The following MIOX variants were observed in gnomAD, a reference collection of about 807,000 sequenced individuals.
MIOX encodes the protein inositol oxygenase.
MIOX carries 51 observed loss-of-function variants against 42.7 expected under a neutral mutation model. The ratio of observed to expected loss-of-function variants is 1.19; its 90% CI spans 0.95 to 1.51. The LOEUF (loss-of-function observed/expected upper bound fraction) is 1.51. Ranked by LOEUF, MIOX falls within the 40% of genes most tolerant of loss-of-function variation. The pLI is 0.00. For missense variants in MIOX, 395 were observed against 381.3 expected (o/e 1.04, Z -0.30); for synonymous variants, 168 against 154.4 (o/e 1.09, Z -0.65).
chr22:50,489,855 G>T lies in MIOX; in HGVS notation c.857G>T (p.Ter286LeuextTer11), dbSNP rs1243555461. The T allele has an allele frequency of 1.9e-6, 3 of 1,609,404 alleles. No individual in the cohort carries two copies. Among genetic ancestry groups the T allele is most frequent in the African/African-American group, 2.7e-5 (2 of 74,978 alleles). Residue 286 changes from the stop codon to leucine (L), a stop_lost, in exon 10 of 10, where the codon TGA (stop) becomes TTA (leucine). Transcript: ENST00000216075. ...TACTGCCCTGGCATCCTGAGCTGGTGACCCTCCTGCCACCCAAGCTGCTGC... is the reference window on the plus strand; with the variant it reads ...TACTGCCCTGGCATCCTGAGCTGGTTACCCTCCTGCCACCCAAGCTGCTGC... ...DKYCPGILSW[*>L]
rs1178356945 is a variant in MIOX at position 50,488,748 on chromosome 22, GCCTGTCCCT to G, written c.409-271_409-263del. On this transcript the variant is annotated intron_variant, in intron 5 of 9. Transcript: ENST00000216075. ...ACTTCCCCCACGGCCCCCCATGGCT[GCCTGTCCCT>G]CCTGTCCCTCCTGTCCCTCCCATCC... Among the ~76,000 whole-genome samples, 612 of 71,804 alleles carry G rather than the reference GCCTGTCCCT, an allele frequency of 8.5e-3. 13 individuals carry two copies. The highest frequency in any genetic ancestry group is 0.031 in the African/African-American group (535 of 17,378). 47.1% of individuals were successfully genotyped at this position (71,804 alleles called of 152,430 possible). A position where few individuals can be genotyped will look rare whatever the true frequency, so the allele number is the denominator to read the frequency against.
At chr22:50,487,040 T>A in intron 1 of MIOX, 128 bp downstream of exon 1, 1 of 1,251,936 alleles carries the variant, frequency 8.0e-7, no homozygotes, top group South Asian at 1.3e-5. Context: ...AGCCAGCGGC[T>A]GCCGACCCCC....
chr22:50,490,221 C>T lies in MIOX; in HGVS notation c.*365C>T. 2 of 300,922 alleles carry T rather than the reference C, an allele frequency of 6.6e-6. No homozygotes were observed. Among genetic ancestry groups the T allele is most frequent in the Admixed American group, 8.9e-5 (2 of 22,458 alleles). The allele number at this position is 300,922 out of a possible 1,614,324, so 18.6% of individuals were successfully genotyped here. On this transcript the variant is annotated 3_prime_UTR_variant, in exon 10 of 10. Transcript: ENST00000216075. ...GTCAGAGCCTGGGGGACGAGTCACC[C>T]AGCTCACCCCCACATGCTCAAAACA...
At chr22:50,489,488 G>A (rs778487466) in intron 8 of MIOX, 42 bp downstream of exon 8, 103 of 1,610,530 alleles carry the variant, frequency 6.4e-5, no homozygotes, top group South Asian at 1.5e-4. Flanking sequence ...CACCAGGCCC[G>A]GTCCTGCAGC....
At chr22:50,487,544 G>C (rs1437685579) in intron 2 of MIOX, 79 bp downstream of exon 2, 1 of 1,553,554 alleles carries the variant, frequency 6.4e-7, no homozygotes, top group Non-Finnish European at 8.8e-7. Flanking sequence ...CACAGTTCCA[G>C]GGGGTGCCCT....
intron 2 of MIOX, 83 bp from the exon 3 acceptor site, chr22:50,487,579 C>A (rs1333705581): frequency 6.5e-7 from 1 of 1,547,534 alleles, no homozygotes; most frequent in South Asian, 1.2e-5. Flanking sequence ...CCCCATCACA[C>A]CCTGTGGGGC....
chr22:50,487,226 G>A (rs771379004), intron 1 of MIOX, among the ~76,000 whole-genome samples, 159 bp from the exon 2 acceptor site: 1 of 152,218 alleles, frequency 6.6e-6, no homozygotes, highest in Non-Finnish European at 1.5e-5. Flanking sequence ...GCCAGGGCAG[G>A]GGCTGGGATG....
chr22:50,489,097 T>G lies in MIOX; in HGVS notation c.466T>G (p.Phe156Val). ...ATGCCGTCCGCAGGCCTCCGTGGTT[T>G]TCTGCGACTCCACCTTCCAGGACAA... ...VGCRPQASVV[F>V]CDSTFQDNPD... The change falls in exon 6 of 10, where the codon TTC (phenylalanine) becomes GTC (valine). Residue 156 changes from phenylalanine (F) to valine (V), a missense_variant. Coordinates refer to ENST00000216075, the MANE Select transcript of MIOX (RefSeq NM_017584.6). 1 of 1,613,074 alleles carries G rather than the reference T, an allele frequency of 6.2e-7. No homozygotes were observed. Among genetic ancestry groups the G allele is most frequent in the Non-Finnish European group, 8.5e-7 (1 of 1,179,890 alleles).
At chr22:50,489,711 G>C (rs770872156) in intron 9 of MIOX, 37 bp from the exon 10 acceptor site, 1 of 1,608,842 alleles carries the variant, frequency 6.2e-7, no homozygotes, top group African/African-American at 1.3e-5. Flanking sequence ...GGGGCCTGGG[G>C]GTTCTTCACG....
intron 4 of MIOX, 63 bp from the exon 5 acceptor site, chr22:50,488,212 A>G (rs1372535126): frequency 3.1e-6 from 5 of 1,607,970 alleles, no homozygotes; most frequent in African/African-American, 1.3e-5. Flanking sequence ...AGCCCCGCAA[A>G]CCTGCTCATC....
At position 50,489,645 on chromosome 22, in the gene MIOX, G is replaced by A. The variant is rs1425015935; in HGVS notation, c.749+1G>A. On this transcript the variant is annotated splice_donor_variant, in intron 9 of 9. Coordinates refer to ENST00000216075, the MANE Select transcript of MIOX (RefSeq NM_017584.6). LOFTEE classifies it high-confidence loss of function. ...TGCTGCCCTGGGTGCGGGAGTTCAA[G>A]TACGCCCCGCTACCCGCCGAGGGGT... 6.2e-7 allele frequency: 1 copy of A among 1,608,706 alleles called. No individual in the cohort carries two copies.
At position 50,489,812 on chromosome 22, in the gene MIOX, C is replaced by T. The variant is rs779660499; in HGVS notation, c.814C>T (p.Gln272Ter). The T allele has an allele frequency of 6.2e-7, 1 of 1,611,808 alleles. No individual in the cohort carries two copies. ...PDVDKLRPYYQGLIDKYCPGI... is the reference protein window; with the variant it reads ...PDVDKLRPYY ...CGTGGACAAGCTGCGGCCCTACTAC[C>T]AGGGGCTCATTGACAAGTACTGCCC... Residue 272 changes from glutamine (Q) to a stop codon, truncating the protein, a stop_gained, in exon 10 of 10, where the codon CAG becomes TAG. Coordinates refer to ENST00000216075, the MANE Select transcript of MIOX (RefSeq NM_017584.6). LOFTEE classifies it high-confidence loss of function.
At chr22:50,488,162 C>T in intron 4 of MIOX, 113 bp from the exon 5 acceptor site, 2 of 1,583,518 alleles carry the variant, frequency 1.3e-6, no homozygotes, top group South Asian at 1.1e-5. Context: ...AGCAGCCCTG[C>T]CTGGGTTGGG....
chr22:50,487,572 CAT>C (rs2068286213), intron 2 of MIOX, 88 bp from the exon 3 acceptor site: 1 of 1,544,718 alleles, frequency 6.5e-7, no homozygotes, highest in Non-Finnish European at 8.9e-7. Flanking sequence ...CTCCCACCCC[CAT>C]CACACCCTGT....
At chr22:50,488,684 T>G (rs2068309004) in intron 5 of MIOX, among the ~76,000 whole-genome samples, 1 of 134,718 alleles carries the variant, frequency 7.4e-6, no homozygotes, top group East Asian at 2.6e-4. Context: ...GTCCCTCCTG[T>G]CACTCTGCAG....
rs538158369 is a variant in MIOX at position 50,489,455 on chromosome 22, G to A, written c.636+9G>A. ...TCTCACTGCCCCCTGAGGTAGGTGG[G>A]GGGAGGGGCAACGCAGCCCGTCCAC... On this transcript the variant is annotated intron_variant, in intron 8 of 9. Transcript: ENST00000216075. 6.2e-7 allele frequency: 1 copy of A among 1,608,264 alleles called. No individual in the cohort carries two copies. Among genetic ancestry groups the A allele is most frequent in the Admixed American group, 1.7e-5 (1 of 59,816 alleles).
chr22:50,487,329 G>GC, intron 1 of MIOX, 56 bp from the exon 2 acceptor site: 1 of 1,451,764 alleles, frequency 6.9e-7, no homozygotes, highest in Non-Finnish European at 9.5e-7. Context: ...GAATGTCTGT[G>GC]CTTCCTCGTG....
In MIOX at chr22:50,487,975, G is replaced by T; in HGVS notation, c.267G>T (p.Pro89=). The change falls in exon 4 of 10, where the codon CCG becomes CCT. Residue 89 remains proline (P), a synonymous_variant. Transcript: ENST00000216075. Reference sequence around the variant, plus strand: ...ATGGGCTGGTGGATGAGTCGGACCCGGACGTAGATTTCCCCAACTCCTTCC... The same window carrying T: ...ATGGGCTGGTGGATGAGTCGGACCCTGACGTAGATTTCCCCAACTCCTTCC... ...LLDGLVDESD[P]DVDFPNSFHA... The T allele has an allele frequency of 6.2e-7, 1 of 1,614,020 alleles. No homozygotes were observed. Among genetic ancestry groups the T allele is most frequent in the Non-Finnish European group, 8.5e-7 (1 of 1,179,950 alleles).
At position 50,489,255 on chromosome 22, in the gene MIOX, C is replaced by T. The variant is rs768532459; in HGVS notation, c.546C>T (p.His182=). The T allele has an allele frequency of 6.2e-7, 1 of 1,602,882 alleles. No individual in the cohort carries two copies. The highest frequency in any genetic ancestry group is 1.1e-5 in the South Asian group (1 of 90,536). Residue 182 remains histidine (H), a synonymous_variant, in exon 7 of 10, where the codon CAC becomes CAT. Transcript: ENST00000216075. ...CAGAGCTCGGGATGTATCAGCCCCA[C>T]TGTGGGCTCGACAGGGTCCTCATGT... ...YSTELGMYQP[H]CGLDRVLMSW...
Sources: gnomAD v4.1 joint callset for allele counts (sites outside exome capture counted in the v4.1 genomes callset) on GRCh38, gnomAD v4.1.1 for gene constraint, MANE v1.5 for transcripts, NCBI Gene and HGNC (gene_info 2026-07-23, HGNC 2026-07-21) for gene names.